Variants in PCDH7 observed in about 807,000 individuals in gnomAD.
PCDH7 encodes protocadherin 7.
Under a neutral mutation model 58.9 loss-of-function variants are expected in PCDH7, and 17 were observed. That is an observed-to-expected ratio of 0.29 (90% CI 0.20 to 0.43). The LOEUF (loss-of-function observed/expected upper bound fraction) is 0.43. PCDH7 is among the 20% of genes least tolerant of loss of function. The pLI is 1.00. For synonymous variants in PCDH7, 664 were observed against 616.4 expected, an observed-to-expected ratio of 1.08 and a Z score of -1.14; for missense variants, 1,274 against 1,441.0, an observed-to-expected ratio of 0.88 and a Z score of 1.88.
chr4:30,723,709 G>A lies in PCDH7; in HGVS notation c.2287G>A (p.Val763Ile). The A allele has an allele frequency of 1.9e-6, 3 of 1,614,160 alleles. No individual in the cohort carries two copies. The highest frequency in any genetic ancestry group is 2.5e-6 in the Non-Finnish European group (3 of 1,180,018). Residue 763 changes from valine to isoleucine, a missense_variant, in exon 1 of 2, where the codon GTA (valine) becomes ATA (isoleucine). By Grantham distance (29) the Val-to-Ile change is conservative. Transcript: ENST00000361762. The surrounding 1 kb of genome is among the most constrained non-coding windows in gnomAD (Gnocchi z 4.6). Reference sequence around the variant, plus strand: ...ACCTTCGAGTAATGTCAGGACAGTAGTAGCTACAGTGTTGGCAACAGACAG... The same window carrying A: ...ACCTTCGAGTAATGTCAGGACAGTAATAGCTACAGTGTTGGCAACAGACAG...
chr4:30,833,160 T>C (rs987198152), intron 1 of PCDH7, among the ~76,000 whole-genome samples: 1 of 152,206 alleles, frequency 6.6e-6, no homozygotes, highest in African/African-American at 2.4e-5. Flanking sequence ...GTAGACATTA[T>C]AGTAGCATCC....
intron 1 of PCDH7, among the ~76,000 whole-genome samples, chr4:30,901,067 T>G (rs1740151502): frequency 6.6e-6 from 1 of 152,178 alleles, no homozygotes; most frequent in African/African-American, 2.4e-5. Context: ...CAAATATGAT[T>G]GATTCCAATT....
At chr4:31,097,510 G>GAGAA (rs10641064) in intron 3 of PCDH7, among the ~76,000 whole-genome samples, 29,714 of 98,896 alleles carry the variant, frequency 0.3, 4,803 homozygotes, top group East Asian at 0.65. Context: ...GAAAGAAAGA[G>GAGAA]AGAAAGAAAG....
downstream of PCDH7, chr4:31,143,040 C>T (rs1364659064): frequency 2.9e-5 from 9 of 306,036 alleles, no homozygotes; most frequent in Non-Finnish European, 5.0e-5. Flanking sequence ...AATGTAGAAA[C>T]CATCCTTGTT....
chr4:31,000,938 C>A (rs1179001612), intron 3 of PCDH7, among the ~76,000 whole-genome samples: 1 of 151,956 alleles, frequency 6.6e-6, no homozygotes, highest in African/African-American at 2.4e-5. Context: ...TGTGTACACA[C>A]CAATACACCC....
At chr4:31,050,768 T>C (rs753178844) in intron 3 of PCDH7, among the ~76,000 whole-genome samples, 1 of 152,176 alleles carries the variant, frequency 6.6e-6, no homozygotes, top group Non-Finnish European at 1.5e-5. Context: ...ATTAAGTAGA[T>C]AACATTTGTA....
At position 30,726,666 on chromosome 4, in the gene PCDH7, A is replaced by G. The variant is rs144133239; in HGVS notation, c.3174+2070A>G. ...TCAAAGCAATTGGAATGAATCACAC[A>G]GTTTGCCAAAAGTGACTTTGGAAAA... On this transcript the variant is annotated intron_variant, in intron 1 of 1. Coordinates refer to ENST00000361762, the Ensembl canonical transcript of PCDH7. Among the ~76,000 whole-genome samples the G allele has an allele frequency of 2.6e-5, 4 of 152,136 alleles. No homozygotes were observed. The East Asian group carries it at 5.8e-4, about 22-fold the overall frequency.
At chr4:30,725,301 T>C in intron 1 of PCDH7, 2 of 993,952 alleles carry the variant, frequency 2.0e-6, no homozygotes, top group Non-Finnish European at 2.4e-6. Context: ...GTATTAAAAG[T>C]TTGCAAACAA....
intron 2 of PCDH7, among the ~76,000 whole-genome samples, chr4:30,938,711 T>C (rs1745663710): frequency 6.6e-6 from 1 of 152,146 alleles, no homozygotes; most frequent in Non-Finnish European, 1.5e-5. Flanking sequence ...AATCAAGTAA[T>C]ATTTTTATAA....
chr4:30,752,132 TC>T (rs1718609123), intron 1 of PCDH7, among the ~76,000 whole-genome samples: 1 of 152,074 alleles, frequency 6.6e-6, no homozygotes, highest in Non-Finnish European at 1.5e-5. Context: ...TTTCTTTCTT[TC>T]CCTTTTTTTT....
At chr4:31,067,104 T>C (rs957645666) in intron 3 of PCDH7, among the ~76,000 whole-genome samples, 1 of 151,832 alleles carries the variant, frequency 6.6e-6, no homozygotes, top group Non-Finnish European at 1.5e-5. Context: ...ATAAAAGGCT[T>C]GGGGGAGATC....
At chr4:30,802,693 T>C (rs1006543156) in intron 1 of PCDH7, among the ~76,000 whole-genome samples, 2 of 151,762 alleles carry the variant, frequency 1.3e-5, no homozygotes, top group African/African-American at 4.8e-5. Flanking sequence ...GGGGAAATCA[T>C]GTGTTGAGGT....
At chr4:31,033,427 A>G (rs1755123188) in intron 3 of PCDH7, among the ~76,000 whole-genome samples, 1 of 152,356 alleles carries the variant, frequency 6.6e-6, no homozygotes, top group South Asian at 2.1e-4. Context: ...AATAATAGAA[A>G]TATAACAAAA....
chr4:30,840,790 G>A (rs1421537376), intron 1 of PCDH7, among the ~76,000 whole-genome samples: 1 of 151,972 alleles, frequency 6.6e-6, no homozygotes, highest in Non-Finnish European at 1.5e-5. Context: ...TCTGCATATA[G>A]TTCACAGAAC....
chr4:30,928,956 T>C (rs2109423978), intron 2 of PCDH7, among the ~76,000 whole-genome samples: 1 of 152,304 alleles, frequency 6.6e-6, no homozygotes, highest in South Asian at 2.1e-4. Context: ...CTAAAATTTA[T>C]CCTTGATGAA....
intron 1 of PCDH7, among the ~76,000 whole-genome samples, chr4:30,871,301 G>A (rs898099733): frequency 1.3e-5 from 2 of 151,982 alleles, no homozygotes; most frequent in Admixed American, 6.6e-5. Flanking sequence ...GGGAGCATAG[G>A]GTTTTGCTCC....
At chr4:30,795,902 A>G (rs755949216) in intron 1 of PCDH7, among the ~76,000 whole-genome samples, 16 of 152,208 alleles carry the variant, frequency 1.1e-4, no homozygotes, top group Admixed American at 3.9e-4. Context: ...GAGTTTCTAT[A>G]TTGTCTTTTA....
intron 1 of PCDH7, among the ~76,000 whole-genome samples, chr4:30,845,129 G>A (rs966627640): frequency 7.2e-5 from 11 of 152,124 alleles, no homozygotes; most frequent in Admixed American, 7.2e-4. Flanking sequence ...GGTGAATTAT[G>A]CGGTGCTCTA....
chr4:30,758,940 GTTTTTTTT>G (rs11463767), intron 1 of PCDH7, among the ~76,000 whole-genome samples: 1 of 124,238 alleles, frequency 8.0e-6, no homozygotes, highest in Non-Finnish European at 1.7e-5. Flanking sequence ...TTGAAGAAGT[GTTTTTTTT>G]TTTTTTTTTT....
Sources: allele counts gnomAD v4.1 joint callset (sites outside exome capture counted in the v4.1 genomes callset), GRCh38; gene constraint gnomAD v4.1.1; non-coding constraint Gnocchi (gnomAD v3.1); transcripts MANE v1.5; gene names NCBI Gene and HGNC (gene_info 2026-07-23, HGNC 2026-07-21).